The following SZT2 variants were observed in gnomAD, a reference collection of about 807,000 sequenced individuals.
SZT2 encodes the protein KICSTOR complex protein SZT2.
In SZT2, 216 loss-of-function variants were observed where a neutral mutation model predicts 404.2. The ratio of observed to expected loss-of-function variants is 0.53; its 90% confidence interval spans 0.48 to 0.60. The LOEUF (loss-of-function observed/expected upper bound fraction) is 0.60. Among genes scored for constraint, SZT2 ranks in the 20% least tolerant of loss-of-function variants. The pLI, the probability that SZT2 is intolerant of heterozygous loss-of-function variation, is 0.00. For synonymous variants in SZT2, 1,693 were observed against 1,749.9 expected (o/e 0.97, Z 0.81); for missense variants, 3,857 against 4,459.2 (o/e 0.86, Z 3.85).
At chr1:43,438,030 G>A in intron 46 of SZT2, 128 bp downstream of exon 46, 1 of 893,482 alleles carries the variant, frequency 1.1e-6, no homozygotes, top group East Asian at 2.5e-5. Flanking sequence ...CCTGACACAT[G>A]TTAAGTGAGC....
In SZT2 at chr1:43,389,960, G is replaced by A; in HGVS notation, c.-9G>A. 1 of 1,437,552 alleles carries A rather than the reference G, an allele frequency of 7.0e-7. No individual in the cohort carries two copies. The highest frequency in any genetic ancestry group is 9.1e-7 in the Non-Finnish European group (1 of 1,096,350). The allele number at this position is 1,437,552 out of a possible 1,614,324, so 89.0% of individuals were successfully genotyped here. Reference sequence around the variant, plus strand: ...TCACTGGCCCGGGCCGGCGCGGGAGGGCTGTGTGATGGCCTCGGAGCGCCC... The same window carrying A: ...TCACTGGCCCGGGCCGGCGCGGGAGAGCTGTGTGATGGCCTCGGAGCGCCC... On this transcript the variant is annotated 5_prime_UTR_variant, in exon 1 of 72. Transcript: ENST00000634258.
chr1:43,442,575 T>A lies in SZT2; in HGVS notation c.8108T>A (p.Phe2703Tyr). 6.2e-7 allele frequency: 1 copy of A among 1,613,178 alleles called. No homozygotes were observed. The highest frequency in any genetic ancestry group is 1.3e-5 in the African/African-American group (1 of 75,044). ...FCLLSQKLGL[F>Y]HHYGQLDFPV... ...CTACTCAGCCAGAAGCTTGGCCTCTTCCATCATTATGGCCAGTTGGACTTC... is the reference window on the plus strand; with the variant it reads ...CTACTCAGCCAGAAGCTTGGCCTCTACCATCATTATGGCCAGTTGGACTTC... The change falls in exon 58 of 72, where the codon TTC (phenylalanine) becomes TAC (tyrosine). Residue 2703 changes from phenylalanine (F) to tyrosine (Y), a missense_variant. Physicochemically the swap from Phe to Tyr is conservative, Grantham distance 22. This residue lies in a region of SZT2 where 573 missense variants were observed against 592.4 expected (regional missense o/e 0.97). Transcript: ENST00000634258. This position sits in a 1 kb window ranked among gnomAD's most constrained non-coding sequence, Gnocchi z 4.5.
chr1:43,427,456 C>G lies in SZT2; in HGVS notation c.3598+11C>G. 1 of 1,611,570 alleles carries G rather than the reference C, an allele frequency of 6.2e-7. No homozygotes were observed. The highest frequency in any genetic ancestry group is 1.1e-5 in the South Asian group (1 of 90,946). On this transcript the variant is annotated intron_variant, in intron 25 of 71. Coordinates refer to ENST00000634258, the MANE Select transcript of SZT2 (RefSeq NM_001365999.1). ...TGACCCTGGCTAGTGGTAAGGCTGC[C>G]GACTCAAGGTGGGCAGGAGTGGGAG...
At chr1:43,443,114 A>G (rs1655254640) in intron 59 of SZT2, 28 bp downstream of exon 59, 2 of 1,612,152 alleles carry the variant, frequency 1.2e-6, no homozygotes, top group Non-Finnish European at 1.7e-6. Flanking sequence ...GGCAGCAGGG[A>G]CAGGAAATCT....
chr1:43,453,934 C>A lies in SZT2; in HGVS notation c.*3454C>A, dbSNP rs1299169699. On this transcript the variant is annotated 3_prime_UTR_variant, in exon 72 of 72. Transcript: ENST00000634258. Reference sequence around the variant, plus strand: ...TGTTCGTGGTTAGAAAAGCGAAGTGCTGTAAAAACCCGGGCCTTCACGAAA... The same window carrying A: ...TGTTCGTGGTTAGAAAAGCGAAGTGATGTAAAAACCCGGGCCTTCACGAAA... 8.3e-7 allele frequency: 1 copy of A among 1,203,926 alleles called. No homozygotes were observed. Among genetic ancestry groups the A allele is most frequent in the Non-Finnish European group, 1.0e-6 (1 of 970,298 alleles). The allele number at this position is 1,203,926 out of a possible 1,614,324, so 74.6% of individuals were successfully genotyped here. A position where few individuals can be genotyped will look rare whatever the true frequency, so the allele number is the denominator to read the frequency against.
chr1:43,452,125 C>G lies in SZT2; in HGVS notation c.*1645C>G. On this transcript the variant is annotated 3_prime_UTR_variant, in exon 72 of 72. Transcript: ENST00000634258. ...CCTCTGACCTAGGCTGGCAGCCTCA[C>G]GTGCTGTCCCCACTGTGCACCCCCT... The G allele has an allele frequency of 6.7e-7, 1 of 1,485,298 alleles. No individual in the cohort carries two copies. Among genetic ancestry groups the G allele is most frequent in the Non-Finnish European group, 9.3e-7 (1 of 1,073,272 alleles). The allele number at this position is 1,485,298 out of a possible 1,614,324, so 92.0% of individuals were successfully genotyped here. A position where few individuals can be genotyped will look rare whatever the true frequency, so the allele number is the denominator to read the frequency against.
chr1:43,442,672 A>G lies in SZT2; in HGVS notation c.8151+54A>G. ...TTTTGGCTACTGAGGGGTCAGTTAAAGGAAAAACCAGCTCAGAAGCCAGAA... is the reference window on the plus strand; with the variant it reads ...TTTTGGCTACTGAGGGGTCAGTTAAGGGAAAAACCAGCTCAGAAGCCAGAA... On this transcript the variant is annotated intron_variant, in intron 58 of 71. Transcript: ENST00000634258. The surrounding 1 kb of genome is among the most constrained non-coding windows in gnomAD (Gnocchi z 4.5). 11 of 1,542,710 alleles carry G rather than the reference A, an allele frequency of 7.1e-6. No individual in the cohort carries two copies. The highest frequency in any genetic ancestry group is 8.7e-6 in the Non-Finnish European group (10 of 1,145,850).
Position 43,422,435 on chromosome 1 carries a change from C to G in SZT2, c.1770-45C>G, listed in dbSNP as rs368811035. 55 of 1,526,554 alleles carry G rather than the reference C, an allele frequency of 3.6e-5. No individual in the cohort carries two copies. In the East Asian group the frequency reaches 6.1e-4, roughly 17 times the overall value. 94.6% of individuals were successfully genotyped at this position (1,526,554 alleles called of 1,614,324 possible). ...TAGTAGTCTATTCCTTTTCTCCAAGCCTGGGGCCTGGAGGTCTAACCTCAG... is the reference window on the plus strand; with the variant it reads ...TAGTAGTCTATTCCTTTTCTCCAAGGCTGGGGCCTGGAGGTCTAACCTCAG... On this transcript the variant is annotated intron_variant, in intron 12 of 71. Transcript: ENST00000634258.
intron 4 of SZT2, among the ~76,000 whole-genome samples, chr1:43,408,773 T>G (rs192349446): frequency 6.6e-6 from 1 of 152,338 alleles, no homozygotes; most frequent in East Asian, 1.9e-4. Context: ...CTTTCTCACC[T>G]TTTTATGGCT....
In SZT2 at chr1:43,430,575, C is replaced by A. The variant is rs776049293; in HGVS notation, c.4560C>A (p.Asp1520Glu). The A allele has an allele frequency of 6.2e-7, 1 of 1,614,186 alleles. No individual in the cohort carries two copies. The highest frequency in any genetic ancestry group is 8.5e-7 in the Non-Finnish European group (1 of 1,180,032). Reference protein sequence around the residue: ...EVEYRESRESDLGPAGLDSAS... With the variant: ...EVEYRESRESELGPAGLDSAS... ...AATACCGGGAGAGCCGTGAATCAGA[C>A]CTGGGGCCTGCTGGGCTAGACTCTG... Residue 1520 changes from aspartate to glutamate, a missense_variant, in exon 32 of 72, where the codon GAC becomes GAA. Coordinates refer to ENST00000634258, the MANE Select transcript of SZT2 (RefSeq NM_001365999.1).
chr1:43,427,468 GGCAGGA>G, intron 25 of SZT2, 23 bp downstream of exon 25: 5 of 1,612,078 alleles, frequency 3.1e-6, no homozygotes, highest in Non-Finnish European at 3.4e-6. Context: ...ACTCAAGGTG[GGCAGGA>G]GTGGGAGTGG....
chr1:43,399,860 C>A (rs1649474581), intron 1 of SZT2, among the ~76,000 whole-genome samples: 1 of 152,044 alleles, frequency 6.6e-6, no homozygotes, highest in South Asian at 2.1e-4. Flanking sequence ...AAATCCTAGC[C>A]AGGACCTGTC....
chr1:43,420,041 G>T lies in SZT2; in HGVS notation c.1090+97G>T. On this transcript the variant is annotated intron_variant, in intron 8 of 71. Transcript: ENST00000634258. The surrounding 1 kb of genome is among the most constrained non-coding windows in gnomAD (Gnocchi z 5.1). Reference sequence around the variant, plus strand: ...AGGACTGAAAGTGTAACTGGGGCTGGCTCTGCTGGCACTGTTACCTCACAG... The same window carrying T: ...AGGACTGAAAGTGTAACTGGGGCTGTCTCTGCTGGCACTGTTACCTCACAG... 1 of 1,563,922 alleles carries T rather than the reference G, an allele frequency of 6.4e-7. No homozygotes were observed. Among genetic ancestry groups the T allele is most frequent in the Non-Finnish European group, 8.6e-7 (1 of 1,156,124 alleles).
In SZT2 at chr1:43,446,259, G is replaced by A. The variant is rs1233615681; in HGVS notation, c.8997G>A (p.Gln2999=). The A allele has an allele frequency of 1.2e-6, 2 of 1,614,138 alleles. No individual in the cohort carries two copies. ...GGIILMELAF[Q]GCYFCVKQFA... is the part of the protein sequence containing the mutation. ...TCATCCTCATGGAACTGGCATTCCAGGTAAGCAGGAGGAGCACTGAGTGGA... is the reference window on the plus strand; with the variant it reads ...TCATCCTCATGGAACTGGCATTCCAAGTAAGCAGGAGGAGCACTGAGTGGA... The change falls in exon 64 of 72, where the codon CAG becomes CAA. Residue 2999 remains glutamine, a splice_region_variant and synonymous_variant. Transcript: ENST00000634258.
intron 2 of SZT2, 119 bp downstream of exon 2, chr1:43,403,421 C>T (rs912688832): frequency 6.9e-7 from 1 of 1,453,528 alleles, no homozygotes; most frequent in South Asian, 1.4e-5. Context: ...GGGCAAGGGA[C>T]TGCCTACAAG....
In SZT2 at chr1:43,404,479, A is replaced by G. The variant is rs779465575; in HGVS notation, c.427A>G (p.Ile143Val). 1.9e-6 allele frequency: 3 copies of G among 1,614,020 alleles called. No homozygotes were observed. The highest frequency in any genetic ancestry group is 4.5e-5 in the East Asian group (2 of 44,876). Residue 143 changes from isoleucine to valine, a missense_variant, in exon 4 of 72, where the codon ATC (isoleucine) becomes GTC (valine). Ile to Val is a conservative substitution (Grantham distance 29). This residue lies in a region of SZT2 where 536 missense variants were observed against 637.4 expected (regional missense o/e 0.84). Transcript: ENST00000634258. ...LRPFRVPGSCIDFQPEIYVTI... is the reference protein window; with the variant it reads ...LRPFRVPGSCVDFQPEIYVTI... ...GCCCTTCCGAGTGCCTGGATCTTGC[A>G]TCGACTTCCAGCCTGAGATCTATGT...
intron 62 of SZT2, 30 bp from the exon 63 acceptor site, chr1:43,445,864 C>T: frequency 6.2e-7 from 1 of 1,606,680 alleles, no homozygotes; most frequent in African/African-American, 1.3e-5. Flanking sequence ...TAGCCTGCCT[C>T]ATCCTCTTAT....
intron 1 of SZT2, among the ~76,000 whole-genome samples, chr1:43,391,122 C>G (rs923132030): frequency 3.3e-5 from 5 of 152,180 alleles, no homozygotes; most frequent in Admixed American, 1.3e-4. Flanking sequence ...CGAGACCAGC[C>G]TGACCAACAT....
chr1:43,420,915 A>G lies in SZT2; in HGVS notation c.1428A>G (p.Ala476=), dbSNP rs1652276713. Residue 476 remains alanine, a synonymous_variant, in exon 10 of 72, where the codon GCA becomes GCG. Coordinates refer to ENST00000634258, the MANE Select transcript of SZT2 (RefSeq NM_001365999.1). The surrounding 1 kb of genome is among the most constrained non-coding windows in gnomAD (Gnocchi z 5.1). ...ACATTTTGCATGATGTGTCCTGTGCACTAAGGCAGCCCATTCGTTCATTGT... is the reference window on the plus strand; with the variant it reads ...ACATTTTGCATGATGTGTCCTGTGCGCTAAGGCAGCCCATTCGTTCATTGT... ...GYDILHDVSC[A]LRQPIRSLYR... 6.3e-7 allele frequency: 1 copy of G among 1,598,472 alleles called. No individual in the cohort carries two copies. The highest frequency in any genetic ancestry group is 8.5e-7 in the Non-Finnish European group (1 of 1,179,808).
Sources: gnomAD v4.1 joint callset for allele counts (sites outside exome capture counted in the v4.1 genomes callset) on GRCh38, gnomAD v4.1.1 for gene constraint, gnomAD v4.1.1 regional missense constraint, Gnocchi (gnomAD v3.1) non-coding constraint, MANE v1.5 for transcripts, NCBI Gene and HGNC (gene_info 2026-07-23, HGNC 2026-07-21) for gene names.